Variants in CHRNB2 observed in about 807,000 individuals in gnomAD.
CHRNB2 encodes the protein cholinergic receptor nicotinic beta 2 subunit.
CHRNB2 carries 33 observed loss-of-function variants against 42.7 expected under a neutral mutation model. The ratio of observed to expected loss-of-function variants is 0.77; its 90% CI spans 0.59 to 1.03. CHRNB2 has a LOEUF of 1.03. Among genes scored for constraint, CHRNB2 ranks in the 50% least tolerant of loss-of-function variants. The pLI is 0.00. For synonymous variants in CHRNB2, 325 were observed against 292.9 expected (o/e 1.11, Z -1.12); for missense variants, 603 against 700.9 (o/e 0.86, Z 1.58).
rs1182581432 is a variant in CHRNB2 at position 154,570,264 on chromosome 1, G to C, written c.262G>C (p.Glu88Gln). ...TCCCTCTCTCATTTCCCAGGAGTGG[G>C]AAGATTATCGCCTCACCTGGAAGCC... Reference protein sequence around the residue: ...TTNVWLTQEWEDYRLTWKPEE... With the variant: ...TTNVWLTQEWQDYRLTWKPEE... Residue 88 changes from glutamate to glutamine, a missense_variant, in exon 4 of 6, where the codon GAA becomes CAA. Physicochemically the swap from Glu to Gln is conservative, Grantham distance 29. This residue lies in a region of CHRNB2 where 333 missense variants were observed against 452.6 expected (regional missense o/e 0.74). Transcript: ENST00000368476. The C allele has an allele frequency of 6.2e-7, 1 of 1,609,102 alleles. No homozygotes were observed. The highest frequency in any genetic ancestry group is 1.7e-5 in the Admixed American group (1 of 59,626).
chr1:154,571,641 T>C lies in CHRNB2; in HGVS notation c.818T>C (p.Leu273Pro). Residue 273 changes from leucine (L) to proline (P), a missense_variant, in exon 5 of 6, where the codon CTG becomes CCG. Physicochemically the swap from Leu to Pro is moderately conservative, Grantham distance 98. Coordinates refer to ENST00000368476, the MANE Select transcript of CHRNB2 (RefSeq NM_000748.3). The surrounding 1 kb of genome is among the most constrained non-coding windows in gnomAD (Gnocchi z 6.8). ...GEKMTLCISV[L>P]LALTVFLLLI... ...AAGATGACGTTGTGCATCTCAGTGC[T>C]GCTGGCGCTCACGGTCTTCCTGCTG... 6.2e-7 allele frequency: 1 copy of C among 1,614,246 alleles called. No homozygotes were observed. Among genetic ancestry groups the C allele is most frequent in the Non-Finnish European group, 8.5e-7 (1 of 1,180,036 alleles).
At position 154,576,021 on chromosome 1, in the gene CHRNB2, A is replaced by G; in HGVS notation, c.*89A>G. ...GAGGATGGACGAGTGAGCTACCAGG[A>G]AGAGGGGCGCTGCCCCCACAGATCC... On this transcript the variant is annotated 3_prime_UTR_variant, in exon 6 of 6. Transcript: ENST00000368476. 1 of 1,535,166 alleles carries G rather than the reference A, an allele frequency of 6.5e-7. No individual in the cohort carries two copies. Among genetic ancestry groups the G allele is most frequent in the Non-Finnish European group, 9.0e-7 (1 of 1,115,412 alleles).
chr1:154,571,818 C>A lies in CHRNB2; in HGVS notation c.995C>A (p.Ala332Glu). ...HHRSPTTHTMAPWVKVVFLEK... is the reference protein window; with the variant it reads ...HHRSPTTHTMEPWVKVVFLEK... ...CGCTCGCCCACCACGCACACCATGGCGCCCTGGGTGAAGGTCGTCTTCCTG... is the reference window on the plus strand; with the variant it reads ...CGCTCGCCCACCACGCACACCATGGAGCCCTGGGTGAAGGTCGTCTTCCTG... Residue 332 changes from alanine to glutamate, a missense_variant, in exon 5 of 6, where the codon GCG (alanine) becomes GAG (glutamate). Ala to Glu is a moderately radical substitution (Grantham distance 107). Coordinates refer to ENST00000368476, the MANE Select transcript of CHRNB2 (RefSeq NM_000748.3). The surrounding 1 kb of genome is among the most constrained non-coding windows in gnomAD (Gnocchi z 6.8). The A allele has an allele frequency of 1.2e-6, 2 of 1,613,798 alleles. No homozygotes were observed. The highest frequency in any genetic ancestry group is 1.7e-6 in the Non-Finnish European group (2 of 1,180,012).
chr1:154,573,356 A>C (rs1363508226), intron 5 of CHRNB2, among the ~76,000 whole-genome samples: 1 of 152,208 alleles, frequency 6.6e-6, no homozygotes, highest in African/African-American at 2.4e-5. Flanking sequence ...CAAACTCAAC[A>C]TGCTCAAAAC....
At position 154,571,454 on chromosome 1, in the gene CHRNB2, C is replaced by A. The variant is rs200108220; in HGVS notation, c.631C>A (p.Arg211=). Residue 211 remains arginine (R), a synonymous_variant, in exon 5 of 6, where the codon CGG becomes AGG. Coordinates refer to ENST00000368476, the MANE Select transcript of CHRNB2 (RefSeq NM_000748.3). This position sits in a 1 kb window ranked among gnomAD's most constrained non-coding sequence, Gnocchi z 6.8. ...GEWDIVALPG[R]RNENPDDSTY... ...GTGGGACATCGTGGCGCTGCCGGGC[C>A]GGCGCAACGAGAACCCCGACGACTC... The A allele has an allele frequency of 1.2e-6, 2 of 1,614,112 alleles. No individual in the cohort carries two copies. The highest frequency in any genetic ancestry group is 2.2e-5 in the East Asian group (1 of 44,874).
chr1:154,572,933 C>A (rs931864371), intron 5 of CHRNB2, among the ~76,000 whole-genome samples: 1 of 152,148 alleles, frequency 6.6e-6, no homozygotes, highest in African/African-American at 2.4e-5. Flanking sequence ...TCCCCCCGAC[C>A]CCGCACTTTG....
At position 154,569,798 on chromosome 1, in the gene CHRNB2, C is replaced by T. The variant is rs771286419; in HGVS notation, c.217C>T (p.Arg73Trp). ...SLAQLISVHE[R>W]EQIMTTNVWL... ...CCTCTCTTCCTCCCTGCAGCATGAG[C>T]GGGAGCAGATCATGACCACCAATGT... The change falls in exon 3 of 6, where the codon CGG (arginine) becomes TGG (tryptophan). Residue 73 changes from arginine to tryptophan, a missense_variant. Arg to Trp is a moderately radical substitution (Grantham distance 101). Coordinates refer to ENST00000368476, the MANE Select transcript of CHRNB2 (RefSeq NM_000748.3). 8.1e-6 allele frequency: 13 copies of T among 1,613,998 alleles called. No homozygotes were observed. Among genetic ancestry groups the T allele is most frequent in the African/African-American group, 4.0e-5 (3 of 74,886 alleles).
chr1:154,572,226 A>T (rs1212826946), intron 5 of CHRNB2, 65 bp downstream of exon 5: 1 of 1,531,854 alleles, frequency 6.5e-7, no homozygotes, highest in Admixed American at 2.0e-5. Context: ...GGGTATCTGG[A>T]AAGCAGCGGC....
rs1557850191 is a variant in CHRNB2, at chr1:154,568,051, C to CA, written c.7_8insA (p.Arg3GlnfsTer52). On this transcript the variant is annotated frameshift_variant, in exon 1 of 6. Transcript: ENST00000368476. LOFTEE classifies it high-confidence loss of function. ...AGCGAGCTATGCCCGCGGCATGGCC[C>CA]GGCGCTGCGGCCCCGTGGCGCTGCT... 6.3e-7 allele frequency: 1 copy of CA among 1,597,022 alleles called. No homozygotes were observed. The highest frequency in any genetic ancestry group is 1.1e-5 in the South Asian group (1 of 88,478).
At chr1:154,569,972 G>T in intron 3 of CHRNB2, 136 bp downstream of exon 3, 2 of 981,078 alleles carry the variant, frequency 2.0e-6, no homozygotes, top group South Asian at 1.4e-5. Context: ...AATTGGATTT[G>T]AATCTTGGCA....
rs111862660 is a variant in CHRNB2 at position 154,567,994 on chromosome 1, C to A, written c.-51C>A. ...AGCGCCCCACCCGCGGCCCTCCCCC[C>A]GGCGGCGCGCTCCAGCCGGTGTAGG... On this transcript the variant is annotated 5_prime_UTR_variant, in exon 1 of 6. Transcript: ENST00000368476. 2,340 of 1,480,666 alleles carry A rather than the reference C, an allele frequency of 1.6e-3. 28 individuals carry two copies. In the African/African-American group the frequency reaches 0.027, roughly 17 times the overall value. The allele number at this position is 1,480,666 out of a possible 1,614,324, so 91.7% of individuals were successfully genotyped here.
At chr1:154,574,840 A>G (rs1696241415) in intron 5 of CHRNB2, among the ~76,000 whole-genome samples, 1 of 152,130 alleles carries the variant, frequency 6.6e-6, no homozygotes, top group Non-Finnish European at 1.5e-5. Context: ...TCAGCTGCTG[A>G]CTAAATAAAG....
chr1:154,570,903 A>G (rs2101519762), intron 4 of CHRNB2, among the ~76,000 whole-genome samples: 1 of 152,204 alleles, frequency 6.6e-6, no homozygotes, highest in Admixed American at 6.5e-5. Flanking sequence ...TGTGACAAGT[A>G]GCAGATGTGT....
rs200941077 is a variant in CHRNB2, at chr1:154,567,838, G to C, written c.-207G>C. ...TGGAAGAGCAGCCGGAAAAGCCTCCGCCTGCTCATACCAGGATAGGCAAGA... is the reference window on the plus strand; with the variant it reads ...TGGAAGAGCAGCCGGAAAAGCCTCCCCCTGCTCATACCAGGATAGGCAAGA... On this transcript the variant is annotated 5_prime_UTR_variant, in exon 1 of 6. Coordinates refer to ENST00000368476, the MANE Select transcript of CHRNB2 (RefSeq NM_000748.3). 6 of 456,996 alleles carry C rather than the reference G, an allele frequency of 1.3e-5. No homozygotes were observed. The South Asian group carries it at 2.6e-4, about 19-fold the overall frequency. 28.3% of individuals were successfully genotyped at this position (456,996 alleles called of 1,614,324 possible).
intron 5 of CHRNB2, among the ~76,000 whole-genome samples, chr1:154,573,751 A>T (rs1696218003): frequency 6.6e-6 from 1 of 151,396 alleles, no homozygotes; most frequent in Non-Finnish European, 1.5e-5. Context: ...CTTATCTTTT[A>T]TTTATTTATT....
At chr1:154,574,716 C>T (rs906780029) in intron 5 of CHRNB2, among the ~76,000 whole-genome samples, 1 of 152,200 alleles carries the variant, frequency 6.6e-6, no homozygotes, top group Non-Finnish European at 1.5e-5. Context: ...TTTTGCTCCA[C>T]CTCCCTCAGT....
chr1:154,570,189 G>C (rs1313280321), intron 3 of CHRNB2, 69 bp from the exon 4 acceptor site: 2 of 1,050,812 alleles, frequency 1.9e-6, no homozygotes, highest in Non-Finnish European at 2.9e-6. Context: ...GCCCCCTCTA[G>C]TTCGTTTCCT....
chr1:154,570,914 C>T, intron 4 of CHRNB2, among the ~76,000 whole-genome samples: 1 of 152,092 alleles, frequency 6.6e-6, no homozygotes. Context: ...GCAGATGTGT[C>T]CCCTTCCTCC....
At position 154,572,036 on chromosome 1, in the gene CHRNB2, G is replaced by A; in HGVS notation, c.1213G>A (p.Ala405Thr). 6.5e-7 allele frequency: 1 copy of A among 1,534,298 alleles called. No homozygotes were observed. The highest frequency in any genetic ancestry group is 8.7e-7 in the Non-Finnish European group (1 of 1,145,310). Residue 405 changes from alanine (A) to threonine (T), a missense_variant, in exon 5 of 6, where the codon GCT (alanine) becomes ACT (threonine). By Grantham distance (58) the Ala-to-Thr change is moderately conservative (BLOSUM62 0). This residue lies in a region of CHRNB2 where 270 missense variants were observed against 248.3 expected (regional missense o/e 1.09). Transcript: ENST00000368476. The part of the protein sequence containing the change: ...SVQGLAGAFG[A>T]EPAPVAGPGR... ...GCAGGGGTTGGCCGGGGCCTTCGGG[G>A]CTGAGCCTGCACCAGTGGCGGGCCC...
Sources: gnomAD v4.1 joint callset for allele counts (sites outside exome capture counted in the v4.1 genomes callset) on GRCh38, gnomAD v4.1.1 for gene constraint, gnomAD v4.1.1 regional missense constraint, Gnocchi (gnomAD v3.1) non-coding constraint, MANE v1.5 for transcripts, NCBI Gene and HGNC (gene_info 2026-07-23, HGNC 2026-07-21) for gene names.